Variants in SGCG observed in about 807,000 individuals in gnomAD.
SGCG encodes gamma-sarcoglycan.
A neutral mutation model predicts 29.3 loss-of-function variants in SGCG; 26 were observed. The observed-to-expected ratio is 0.89, with a 90% CI of 0.65 to 1.23. SGCG has a LOEUF of 1.23. Ranked by LOEUF, SGCG falls within the 50% of genes most tolerant of loss-of-function variation. SGCG has a pLI of 0.00. For synonymous variants in SGCG, 145 were observed against 129.7 expected, an observed-to-expected ratio of 1.12 and a Z score of -0.80; for missense variants, 353 against 356.0, an observed-to-expected ratio of 0.99 and a Z score of 0.07.
chr13:23,160,656 A>G, the SGCG span, among the ~76,000 whole-genome samples: 2 of 152,088 alleles, frequency 1.3e-5, no homozygotes, highest in Non-Finnish European at 2.9e-5. Context: ...GGTAAAGAGA[A>G]TAGCCACGGC....
intron 4 of SGCG, among the ~76,000 whole-genome samples, chr13:23,278,373 G>C (rs1417386026): frequency 6.6e-6 from 1 of 151,856 alleles, no homozygotes; most frequent in Non-Finnish European, 1.5e-5. Context: ...AACTTGGGAG[G>C]CGGACATTGC....
At chr13:23,322,764 ATCCACCTCCCC>A (rs1883090703) in intron 7 of SGCG, among the ~76,000 whole-genome samples, 1 of 11,702 alleles carries the variant, frequency 8.5e-5, no homozygotes, top group Non-Finnish European at 1.8e-4. Flanking sequence ...CCCCCCACCC[ATCCACCTCCCC>A]CCCCCCCCCC....
At chr13:23,282,751 G>T (rs1387131638) in intron 5 of SGCG, among the ~76,000 whole-genome samples, 1 of 152,110 alleles carries the variant, frequency 6.6e-6, no homozygotes, top group Non-Finnish European at 1.5e-5. Context: ...CTATGTCTTT[G>T]CTATTGAACC....
At chr13:23,314,537 G>A (rs894060492) in intron 6 of SGCG, among the ~76,000 whole-genome samples, 1 of 150,964 alleles carries the variant, frequency 6.6e-6, no homozygotes, top group Non-Finnish European at 1.5e-5. Flanking sequence ...TACCAGGAGT[G>A]GTTCTAAAGG....
chr13:23,166,429 C>T, the SGCG span, among the ~76,000 whole-genome samples: 5 of 151,984 alleles, frequency 3.3e-5, no homozygotes, highest in South Asian at 2.1e-4. Flanking sequence ...CTCTTGACCT[C>T]GTGATCTGCC....
At chr13:23,171,936 A>T in the SGCG span, among the ~76,000 whole-genome samples, 1 of 152,186 alleles carries the variant, frequency 6.6e-6, no homozygotes, top group Non-Finnish European at 1.5e-5. Flanking sequence ...AGCCAAAGTC[A>T]TCAACACTGA....
rs1263525187 is a variant in SGCG at position 23,310,268 on chromosome 13, A to G, written c.579-10369A>G. Among the ~76,000 whole-genome samples, 4 of 151,620 alleles carry G rather than the reference A, an allele frequency of 2.6e-5. No individual in the cohort carries two copies. The East Asian group carries it at 7.8e-4, about 30-fold the overall frequency. On this transcript the variant is annotated intron_variant, in intron 6 of 7. Coordinates refer to ENST00000218867, the MANE Select transcript of SGCG (RefSeq NM_000231.3). Reference sequence around the variant, plus strand: ...CACCCGGGTAATTTTTTGTATTTTTAGTAGAGACGGGGTTTCACCCTATTA... The same window carrying G: ...CACCCGGGTAATTTTTTGTATTTTTGGTAGAGACGGGGTTTCACCCTATTA...
intron 4 of SGCG, among the ~76,000 whole-genome samples, chr13:23,251,300 A>G (rs570325802): frequency 8.5e-5 from 13 of 152,318 alleles, no homozygotes; most frequent in African/African-American, 2.9e-4. Context: ...AAAGTACTCT[A>G]ATTAGCCCAA....
chr13:23,164,379 G>A, the SGCG span, among the ~76,000 whole-genome samples: 2 of 152,112 alleles, frequency 1.3e-5, no homozygotes, highest in East Asian at 3.8e-4. Context: ...CACTTTAGGT[G>A]TTTCATTTCA....
intron 6 of SGCG, among the ~76,000 whole-genome samples, chr13:23,296,632 T>G (rs1309420926): frequency 6.6e-6 from 1 of 152,170 alleles, no homozygotes; most frequent in African/African-American, 2.4e-5. Context: ...TTTCTGTCTC[T>G]GTGGATTTGA....
At chr13:23,226,771 G>A (rs529761751) in intron 2 of SGCG, among the ~76,000 whole-genome samples, 2 of 152,292 alleles carry the variant, frequency 1.3e-5, no homozygotes, top group East Asian at 3.9e-4. Context: ...AATGCAAAGT[G>A]TTCAGTGGGT....
At chr13:23,217,106 TA>T (rs1369834677) in intron 2 of SGCG, among the ~76,000 whole-genome samples, 1 of 152,150 alleles carries the variant, frequency 6.6e-6, no homozygotes, top group African/African-American at 2.4e-5. Context: ...TTTTCCAAAT[TA>T]AGAGACTACT....
At chr13:23,295,559 A>G in intron 6 of SGCG, 72 bp downstream of exon 6, 1 of 1,000,380 alleles carries the variant, frequency 1.0e-6, no homozygotes, top group Non-Finnish European at 1.6e-6. Context: ...GAATAATGTT[A>G]GCAGTGACTA....
chr13:23,312,731 G>T (rs1033243263), intron 6 of SGCG, among the ~76,000 whole-genome samples: 2 of 151,906 alleles, frequency 1.3e-5, no homozygotes, highest in African/African-American at 4.8e-5. Context: ...AACGACACTT[G>T]TACCCCCTAA....
chr13:23,170,734 G>T, the SGCG span: 3 of 152,234 alleles, frequency 2.0e-5, no homozygotes, highest in Non-Finnish European at 2.9e-5. Context: ...GGAACAGGAT[G>T]GTAAAGACTT....
the SGCG span, among the ~76,000 whole-genome samples, chr13:23,168,715 T>A: frequency 0.55 from 83,488 of 151,876 alleles, 24,001 homozygotes; most frequent in Non-Finnish European, 0.65. Flanking sequence ...CATTTTTTAA[T>A]ATTAGCAAAG....
At position 23,282,250 on chromosome 13, in the gene SGCG, G is replaced by A. The variant is rs531972977; in HGVS notation, c.505+2772G>A. Among the ~76,000 whole-genome samples the A allele has an allele frequency of 2.3e-4, 35 of 152,218 alleles. No homozygotes were observed. The South Asian group carries it at 6.0e-3, about 26-fold the overall frequency. ...AGAGATTCCACGGTTTTGATGGTTCGCTTCTTGTTTTGTCTCTATCCAAGG... is the reference window on the plus strand; with the variant it reads ...AGAGATTCCACGGTTTTGATGGTTCACTTCTTGTTTTGTCTCTATCCAAGG... On this transcript the variant is annotated intron_variant, in intron 5 of 7. Coordinates refer to ENST00000218867, the MANE Select transcript of SGCG (RefSeq NM_000231.3).
At chr13:23,244,739 C>G (rs1261474837) in intron 3 of SGCG, 1 of 152,186 alleles carries the variant, frequency 6.6e-6, no homozygotes, top group Non-Finnish European at 1.5e-5. Flanking sequence ...CATACAGGGC[C>G]TGGATCGTTA....
chr13:23,291,027 G>A (rs1881685380), intron 5 of SGCG, among the ~76,000 whole-genome samples: 1 of 152,134 alleles, frequency 6.6e-6, no homozygotes, highest in Non-Finnish European at 1.5e-5. Context: ...ATCTTCATGT[G>A]AGCATCATTC....
Sources: gnomAD v4.1 joint callset for allele counts (sites outside exome capture counted in the v4.1 genomes callset) on GRCh38, gnomAD v4.1.1 for gene constraint, MANE v1.5 for transcripts, NCBI Gene and HGNC (gene_info 2026-07-23, HGNC 2026-07-21) for gene names.